The following ATG7 variants were observed in gnomAD, a reference collection of about 807,000 sequenced individuals.
ATG7 encodes the protein autophagy related 7.
A neutral mutation model predicts 82.4 loss-of-function variants in ATG7; 70 were observed. The ratio of observed to expected loss-of-function variants is 0.85; its 90% CI spans 0.70 to 1.04. The LOEUF is 1.04. ATG7 is among the 50% of genes least tolerant of loss of function. The pLI, the probability that ATG7 is intolerant of heterozygous loss-of-function variation, is 0.00. For missense variants in ATG7, 792 were observed against 864.3 expected, an observed-to-expected ratio of 0.92 and a Z score of 1.05; for synonymous variants, 287 against 313.0, an observed-to-expected ratio of 0.92 and a Z score of 0.88.
At chr3:11,349,202 G>T (rs971621980) in intron 14 of ATG7, among the ~76,000 whole-genome samples, 1 of 150,902 alleles carries the variant, frequency 6.6e-6, no homozygotes, top group African/African-American at 2.4e-5. Context: ...AGTGCTGACT[G>T]GTGCATTTAC....
chr3:11,359,753 T>G (rs964894016), intron 15 of ATG7, among the ~76,000 whole-genome samples: 2 of 151,282 alleles, frequency 1.3e-5, no homozygotes, highest in Admixed American at 6.6e-5. Flanking sequence ...GAGCCAGGCA[T>G]GGTGGCATGT....
intron 19 of ATG7, among the ~76,000 whole-genome samples, chr3:11,418,177 T>C (rs2081571128): frequency 6.6e-6 from 1 of 151,288 alleles, no homozygotes; most frequent in African/African-American, 2.4e-5. Flanking sequence ...CGATCTCAGC[T>C]CACTGCAGCC....
At chr3:11,457,260 C>T (rs116716865) in intron 20 of ATG7, among the ~76,000 whole-genome samples, 5 of 152,186 alleles carry the variant, frequency 3.3e-5, no homozygotes, top group Non-Finnish European at 5.9e-5. Context: ...ACTCTTGCGG[C>T]GGGAAGATCT....
intron 20 of ATG7, among the ~76,000 whole-genome samples, chr3:11,528,276 C>T (rs1434556935): frequency 6.6e-6 from 1 of 152,154 alleles, no homozygotes; most frequent in Non-Finnish European, 1.5e-5. Context: ...CAAGGAGCAG[C>T]CCCTGCTTAT....
chr3:11,351,567 T>A lies in ATG7; in HGVS notation c.1284+3532T>A, dbSNP rs148463093. ...GCCATGCTGGGCCTGAGAGAGCAAG[T>A]CCAACTGTTCTTGGAAACAGCCCCC... On this transcript the variant is annotated intron_variant, in intron 14 of 20. Transcript: ENST00000693202. 8.5e-5 allele frequency among the ~76,000 whole-genome samples: 13 copies of A among 152,290 alleles called. No individual in the cohort carries two copies. The East Asian group carries it at 2.5e-3, about 29-fold the overall frequency.
intron 18 of ATG7, among the ~76,000 whole-genome samples, chr3:11,377,537 T>A (rs567011030): frequency 6.6e-6 from 1 of 152,188 alleles, no homozygotes; most frequent in Admixed American, 6.5e-5. Context: ...CCTGCCCACC[T>A]CCAATGATAA....
rs1189207641 is a variant in ATG7, at chr3:11,506,580, AAAAAC to A, written c.2080-48230_2080-48226del. Among the ~76,000 whole-genome samples, 30 of 13,842 alleles carry A rather than the reference AAAAAC, an allele frequency of 2.2e-3. 4 individuals are homozygous for A. The highest frequency in any genetic ancestry group is 8.7e-3 in the African/African-American group (30 of 3,466). 9.1% of individuals were successfully genotyped at this position (13,842 alleles called of 152,430 possible). ...AAAAAAAAAAAAAAAAAAAAAAAAA[AAAAAC>A]CCAAAAATTAGCTGGGAGTGGTGGC... is the stretch of plus-strand genomic sequence containing the variant. On this transcript the variant is annotated intron_variant, in intron 20 of 20. Transcript: ENST00000693202.
In ATG7 at chr3:11,313,547, TG is replaced by T. The variant is rs1948980778; in HGVS notation, c.528+129del. The T allele has an allele frequency of 5.0e-6, 3 of 601,180 alleles. No individual in the cohort carries two copies. The African/African-American group carries it at 5.7e-5, about 11-fold the overall frequency. The allele number at this position is 601,180 out of a possible 1,614,324, so 37.2% of individuals were successfully genotyped here. On this transcript the variant is annotated intron_variant, in intron 8 of 20. Transcript: ENST00000693202. ...CGTGGTAACTGAAATCCTCCAAAGG[TG>T]GTACTAGGAGCAGACTTATTTAGAA...
intron 20 of ATG7, among the ~76,000 whole-genome samples, chr3:11,553,039 C>G (rs1443148714): frequency 1.3e-5 from 2 of 152,240 alleles, no homozygotes; most frequent in Non-Finnish European, 2.9e-5. Flanking sequence ...CCCTGCCCTG[C>G]CCAGGCTGGC....
At chr3:11,539,831 C>T (rs2070679217) in intron 20 of ATG7, among the ~76,000 whole-genome samples, 1 of 152,244 alleles carries the variant, frequency 6.6e-6, no homozygotes, top group Non-Finnish European at 1.5e-5. Flanking sequence ...CGACATCGAG[C>T]AGGTCTGTCT....
intron 19 of ATG7, among the ~76,000 whole-genome samples, chr3:11,400,869 GCTCT>G (rs1407422597): frequency 6.6e-6 from 1 of 152,070 alleles, no homozygotes; most frequent in Non-Finnish European, 1.5e-5. Flanking sequence ...GTGAAACCTG[GCTCT>G]CTCTGCAGGG....
intron 20 of ATG7, among the ~76,000 whole-genome samples, chr3:11,480,190 C>T (rs1006737918): frequency 6.6e-5 from 10 of 152,096 alleles, no homozygotes; most frequent in African/African-American, 2.4e-4. Flanking sequence ...CTTGGCCTCC[C>T]AAAGTGCTGG....
rs1162704457 is a variant in ATG7, at chr3:11,315,400, T to C, written c.585T>C (p.Ala195=). Residue 195 remains alanine (A), a synonymous_variant, in exon 9 of 21, where the codon GCT becomes GCC. Transcript: ENST00000693202. The part of the protein sequence containing the change: ...DNLCQTEGVT[A]LPYFLIKYDE... ...TTTGTCAAACAGAAGGAGTCACAGCTCTTCCTTACTTCTTAATCAAGTATG... is the reference window on the plus strand; with the variant it reads ...TTTGTCAAACAGAAGGAGTCACAGCCCTTCCTTACTTCTTAATCAAGTATG... 1 of 1,612,146 alleles carries C rather than the reference T, an allele frequency of 6.2e-7. No homozygotes were observed. The highest frequency in any genetic ancestry group is 1.3e-5 in the African/African-American group (1 of 74,862).
chr3:11,356,651 A>C (rs1051739706), intron 14 of ATG7, among the ~76,000 whole-genome samples: 1 of 152,226 alleles, frequency 6.6e-6, no homozygotes, highest in Non-Finnish European at 1.5e-5. Context: ...ATATATACTT[A>C]ATAGTTATTT....
the ATG7 span, among the ~76,000 whole-genome samples, chr3:11,567,885 G>A: frequency 6.6e-6 from 1 of 152,220 alleles, no homozygotes; most frequent in Non-Finnish European, 1.5e-5. Flanking sequence ...CCCAGGTGAT[G>A]CTTCCACGGG....
rs146192336 is a variant in ATG7 at position 11,531,223 on chromosome 3, G to T, written c.2080-23588G>T. Among the ~76,000 whole-genome samples, 408 of 152,218 alleles carry T rather than the reference G, an allele frequency of 2.7e-3. 1 individual carries two copies. The highest frequency in any genetic ancestry group is 9.2e-3 in the African/African-American group (381 of 41,518). On this transcript the variant is annotated intron_variant, in intron 20 of 20. Transcript: ENST00000693202. Reference sequence around the variant, plus strand: ...GGTCTGGCAGTCTAGAAGAAGGGGGGGCTGTGCAGGGTACCCAGCCAAGGC... The same window carrying T: ...GGTCTGGCAGTCTAGAAGAAGGGGGTGCTGTGCAGGGTACCCAGCCAAGGC...
At chr3:11,317,487 C>A (rs1297155275) in intron 9 of ATG7, among the ~76,000 whole-genome samples, 3 of 151,972 alleles carry the variant, frequency 2.0e-5, no homozygotes, top group Non-Finnish European at 2.9e-5. Context: ...TTAGTTACTA[C>A]CTGTGGTTAG....
At chr3:11,285,709 T>C (rs1943884160) in intron 3 of ATG7, among the ~76,000 whole-genome samples, 4 of 152,208 alleles carry the variant, frequency 2.6e-5, no homozygotes. Context: ...TTGAACAACG[T>C]ATAAAGCTGT....
chr3:11,516,563 C>A (rs2092288621), intron 20 of ATG7, among the ~76,000 whole-genome samples: 1 of 152,308 alleles, frequency 6.6e-6, no homozygotes, highest in East Asian at 1.9e-4. Context: ...AGCAATTGCA[C>A]TCCTTGAGAT....
Sources: gnomAD v4.1 joint callset for allele counts (sites outside exome capture counted in the v4.1 genomes callset) on GRCh38, gnomAD v4.1.1 for gene constraint, MANE v1.5 for transcripts, NCBI Gene and HGNC (gene_info 2026-07-23, HGNC 2026-07-21) for gene names.